MMP24: variants seen among roughly 807,000 people sequenced by gnomAD.
MMP24 encodes the protein matrix metalloproteinase-24.
MMP24 carries 25 observed loss-of-function variants against 62.8 expected under a neutral mutation model. That is an observed-to-expected ratio of 0.40 (90% CI 0.29 to 0.56). The LOEUF (loss-of-function observed/expected upper bound fraction) is 0.56. MMP24 is among the 20% of genes least tolerant of loss of function. The pLI, the probability that MMP24 is intolerant of heterozygous loss-of-function variation, is 0.50. For synonymous variants in MMP24, 319 were observed against 350.5 expected, an observed-to-expected ratio of 0.91 and a Z score of 1.00; for missense variants, 634 against 853.6, an observed-to-expected ratio of 0.74 and a Z score of 3.21.
At chr20:35,239,923 T>C (rs2060481323) in intron 1 of MMP24, among the ~76,000 whole-genome samples, 1 of 152,166 alleles carries the variant, frequency 6.6e-6, no homozygotes, top group Admixed American at 6.5e-5. Flanking sequence ...GATGGTGCCA[T>C]ACCCTGACAT....
chr20:35,248,306 C>CCTTTTTTTTTTTTTTTT (rs745624436), intron 2 of MMP24, among the ~76,000 whole-genome samples: 1 of 136,792 alleles, frequency 7.3e-6, no homozygotes, highest in Non-Finnish European at 1.6e-5. Context: ...TTCCCCCCCC[C>CCTTTTTTTTTTTTTTTT]TTTTTTTTTT....
chr20:35,231,673 C>A (rs1004600494), intron 1 of MMP24, among the ~76,000 whole-genome samples: 3 of 152,110 alleles, frequency 2.0e-5, no homozygotes, highest in Non-Finnish European at 4.4e-5. Context: ...AAGACATTGT[C>A]CTCATTTTAT....
At chr20:35,235,318 TG>T (rs1410110769) in intron 1 of MMP24, among the ~76,000 whole-genome samples, 1 of 151,818 alleles carries the variant, frequency 6.6e-6, no homozygotes, top group Non-Finnish European at 1.5e-5. Flanking sequence ...GCAGGAGGAT[TG>T]CTTGAGCCCA....
chr20:35,254,611 C>G lies in MMP24; in HGVS notation c.674C>G (p.Ala225Gly). ...GAGGCAGACATCATGATCTTTTTTG[C>G]TTCTGGTTTCCATGGCGACAGCTCC... The part of the protein sequence containing the change: ...RKEADIMIFF[A>G]SGFHGDSSPF... The change falls in exon 4 of 9, where the codon GCT becomes GGT. Residue 225 changes from alanine (A) to glycine (G), a missense_variant. Physicochemically the swap from Ala to Gly is moderately conservative, Grantham distance 60 (BLOSUM62 0). Transcript: ENST00000246186. The G allele has an allele frequency of 1.2e-6, 2 of 1,614,128 alleles. No homozygotes were observed. The highest frequency in any genetic ancestry group is 2.2e-5 in the South Asian group (2 of 91,082).
At chr20:35,235,435 C>G (rs2060458207) in intron 1 of MMP24, among the ~76,000 whole-genome samples, 1 of 151,860 alleles carries the variant, frequency 6.6e-6, no homozygotes, top group Admixed American at 6.6e-5. Flanking sequence ...GTGGCTCACA[C>G]TTGTAATCCC....
rs1333848321 is a variant in MMP24, at chr20:35,274,016, T to C, written c.1601-256T>C. ...GGGGTCCTGTCTGGGCAGCACAAAG[T>C]GAACCATGTCCCAGTTCTCCCTGAA... On this transcript the variant is annotated intron_variant, in intron 8 of 8. Coordinates refer to ENST00000246186, the MANE Select transcript of MMP24 (RefSeq NM_006690.4). The surrounding 1 kb of genome is among the most constrained non-coding windows in gnomAD (Gnocchi z 5.1). Among the ~76,000 whole-genome samples the C allele has an allele frequency of 6.6e-6, 1 of 152,108 alleles. No homozygotes were observed. Among genetic ancestry groups the C allele is most frequent in the Non-Finnish European group, 1.5e-5 (1 of 68,010 alleles).
chr20:35,276,424 G>A lies in MMP24; in HGVS notation c.*1815G>A, dbSNP rs537012121. On this transcript the variant is annotated 3_prime_UTR_variant, in exon 9 of 9. Coordinates refer to ENST00000246186, the MANE Select transcript of MMP24 (RefSeq NM_006690.4). ...ATGAAACTCGTGTTAGGCCCTGGGA[G>A]GCCGACGGTAACTCTCACCGTGCCC... The A allele has an allele frequency of 1.8e-5, 7 of 398,016 alleles. No homozygotes were observed. Among genetic ancestry groups the A allele is most frequent in the African/African-American group, 4.1e-5 (2 of 48,754 alleles). 24.7% of individuals were successfully genotyped at this position (398,016 alleles called of 1,614,324 possible).
chr20:35,227,553 G>C (rs2060420170), intron 1 of MMP24, among the ~76,000 whole-genome samples: 1 of 151,980 alleles, frequency 6.6e-6, no homozygotes, highest in South Asian at 2.1e-4. Context: ...GAAGAAGTTT[G>C]TAACAATTGG....
rs148552949 is a variant in MMP24 at position 35,258,005 on chromosome 20, T to C, written c.817+3251T>C. 2.3e-3 allele frequency among the ~76,000 whole-genome samples: 346 copies of C among 152,340 alleles called. 1 individual carries two copies. The highest frequency in any genetic ancestry group is 7.9e-3 in the African/African-American group (327 of 41,580). On this transcript the variant is annotated intron_variant, in intron 4 of 8. Coordinates refer to ENST00000246186, the MANE Select transcript of MMP24 (RefSeq NM_006690.4). ...GACTCAGCAAAGGGGTGGAGTTTCC[T>C]GGGAACTTTTTGAACTTATTAGCTT...
At chr20:35,257,509 T>C (rs903853836) in intron 4 of MMP24, among the ~76,000 whole-genome samples, 3 of 152,206 alleles carry the variant, frequency 2.0e-5, no homozygotes, top group South Asian at 2.1e-4. Context: ...ATATTCCTGA[T>C]AGAGGCAAAT....
At chr20:35,268,681 A>AC (rs1360308996) in intron 6 of MMP24, among the ~76,000 whole-genome samples, 4 of 152,178 alleles carry the variant, frequency 2.6e-5, no homozygotes, top group Non-Finnish European at 5.9e-5. Context: ...ATCCAACTGA[A>AC]CCGTTCATAG....
rs1408618630 is a variant in MMP24, at chr20:35,271,164, G to GAT, written c.1334-404_1334-403dup. 6.6e-6 allele frequency among the ~76,000 whole-genome samples: 1 copy of GAT among 152,226 alleles called. No homozygotes were observed. Among genetic ancestry groups the GAT allele is most frequent in the Non-Finnish European group, 1.5e-5 (1 of 68,034 alleles). On this transcript the variant is annotated intron_variant, in intron 7 of 8. Coordinates refer to ENST00000246186, the MANE Select transcript of MMP24 (RefSeq NM_006690.4). The surrounding 1 kb of genome is among the most constrained non-coding windows in gnomAD (Gnocchi z 4.0). ...GAGGAGGGAGCCCCTCTGTGGTGCA[G>GAT]ATGAGGAGCTCTGGGGAGCCAGCCA...
chr20:35,227,870 A>G (rs1448342572), intron 1 of MMP24, among the ~76,000 whole-genome samples: 1 of 152,188 alleles, frequency 6.6e-6, no homozygotes, highest in Non-Finnish European at 1.5e-5. Context: ...TCACACAGCT[A>G]GTGAGTGATG....
At position 35,264,033 on chromosome 20, in the gene MMP24, G is replaced by A. The variant is rs1600799981; in HGVS notation, c.979+81G>A. 2.8e-6 allele frequency: 4 copies of A among 1,428,456 alleles called. No individual in the cohort carries two copies. In the East Asian group the frequency reaches 9.9e-5, roughly 36 times the overall value. The allele number at this position is 1,428,456 out of a possible 1,614,324, so 88.5% of individuals were successfully genotyped here. On this transcript the variant is annotated intron_variant, in intron 5 of 8. Transcript: ENST00000246186. Reference sequence around the variant, plus strand: ...CTACCTGTCATGGGGCAGGGGACGAGGGAGGGGGACGTTGCTATCATCAGC... The same window carrying A: ...CTACCTGTCATGGGGCAGGGGACGAAGGAGGGGGACGTTGCTATCATCAGC...
At chr20:35,239,355 T>A (rs2060477866) in intron 1 of MMP24, among the ~76,000 whole-genome samples, 1 of 152,158 alleles carries the variant, frequency 6.6e-6, no homozygotes, top group Admixed American at 6.5e-5. Context: ...ATTTTTTTCT[T>A]TTTTTGTAGA....
chr20:35,250,263 C>T (rs1170585783), intron 2 of MMP24, among the ~76,000 whole-genome samples: 1 of 152,062 alleles, frequency 6.6e-6, no homozygotes, highest in Non-Finnish European at 1.5e-5. Context: ...AAGAATTAAA[C>T]ATTTTAAAAG....
At chr20:35,241,100 G>T (rs1278469752) in intron 1 of MMP24, among the ~76,000 whole-genome samples, 2 of 152,202 alleles carry the variant, frequency 1.3e-5, no homozygotes, top group African/African-American at 4.8e-5. Flanking sequence ...GGAGGCAGCA[G>T]AAACAGCCTG....
At chr20:35,247,122 A>G in intron 2 of MMP24, 134 bp downstream of exon 2, 1 of 1,096,334 alleles carries the variant, frequency 9.1e-7, no homozygotes, top group South Asian at 1.5e-5. Flanking sequence ...ATCCTGGGAA[A>G]GAATATCTCG....
intron 4 of MMP24, 84 bp from the exon 5 acceptor site, chr20:35,263,707 C>T (rs1365698466): frequency 1.3e-5 from 16 of 1,227,730 alleles, no homozygotes; most frequent in Non-Finnish European, 1.6e-5. Flanking sequence ...GGCCCGTGCT[C>T]GGTGTTTGCT....
Sources: gnomAD v4.1 joint callset for allele counts (sites outside exome capture counted in the v4.1 genomes callset) on GRCh38, gnomAD v4.1.1 for gene constraint, Gnocchi (gnomAD v3.1) non-coding constraint, MANE v1.5 for transcripts, NCBI Gene and HGNC (gene_info 2026-07-23, HGNC 2026-07-21) for gene names.